The following EPHX4 variants were observed in gnomAD, a reference collection of about 807,000 sequenced individuals.
EPHX4 encodes epoxide hydrolase 4.
A neutral mutation model predicts 44.9 loss-of-function variants in EPHX4; 31 were observed. That is an observed-to-expected ratio of 0.69 (90% CI 0.52 to 0.93). EPHX4 has a LOEUF of 0.93. EPHX4 is among the 40% of genes least tolerant of loss of function. The pLI is 0.00. For synonymous variants in EPHX4, 151 were observed against 159.7 expected, an observed-to-expected ratio of 0.95 and a Z score of 0.41; for missense variants, 373 against 438.1, an observed-to-expected ratio of 0.85 and a Z score of 1.33.
At position 92,032,591 on chromosome 1, in the gene EPHX4, G is replaced by T; in HGVS notation, c.317+1G>T. 6.2e-7 allele frequency: 1 copy of T among 1,613,008 alleles called. No homozygotes were observed. The highest frequency in any genetic ancestry group is 8.5e-7 in the Non-Finnish European group (1 of 1,179,068). ...TGCTTCATGGATTTCCAGAATTCTG[G>T]TAAGCTTACCAACTAACATTTATTG... On this transcript the variant is annotated splice_donor_variant, in intron 2 of 6. Coordinates refer to ENST00000370383, the MANE Select transcript of EPHX4 (RefSeq NM_173567.5). LOFTEE classifies it high-confidence loss of function.
At position 92,063,178 on chromosome 1, in the gene EPHX4, G is replaced by A. The variant is rs147779326; in HGVS notation, c.981G>A (p.Arg327=). 1.9e-4 allele frequency: 310 copies of A among 1,614,038 alleles called. 4 individuals are homozygous for A. The South Asian group carries it at 2.3e-3, about 12-fold the overall frequency. Residue 327 remains arginine, a synonymous_variant, in exon 7 of 7, where the codon AGG becomes AGA. Transcript: ENST00000370383. ...VTKIYVKNYF[R]LTILSEASHW... ...AGATTTATGTTAAAAACTATTTCAG[G>A]CTAACTATTTTGTCAGAAGCCAGTC...
intron 2 of EPHX4, among the ~76,000 whole-genome samples, chr1:92,035,050 C>T (rs1212633931): frequency 3.9e-5 from 6 of 152,124 alleles, no homozygotes; most frequent in Non-Finnish European, 4.4e-5. Flanking sequence ...TGGAGGATGG[C>T]AAAGACACCT....
chr1:92,043,799 C>T (rs1296565302), intron 3 of EPHX4: 1 of 152,210 alleles, frequency 6.6e-6, no homozygotes, highest in Non-Finnish European at 1.5e-5. Context: ...GGGCTGGAGC[C>T]CAAGCTAAAA....
At chr1:92,045,802 G>A (rs1688573967) in intron 4 of EPHX4, 142 bp downstream of exon 4, 5 of 863,372 alleles carry the variant, frequency 5.8e-6, no homozygotes, top group Non-Finnish European at 8.9e-6. Context: ...ACATGACAGT[G>A]TCAGATACCT....
At chr1:92,044,817 CA>C (rs977373585) in intron 3 of EPHX4, among the ~76,000 whole-genome samples, 2 of 150,396 alleles carry the variant, frequency 1.3e-5, no homozygotes, top group Admixed American at 6.6e-5. Flanking sequence ...TCTGAGCATT[CA>C]AAAAAAAACC....
Position 92,030,490 on chromosome 1 carries a change from G to GTGTGTGTGTGTGTGTGTGT in EPHX4, c.231+180_231+181insTGTGTGTGTGTGTGTGTGT, listed in dbSNP as rs1383490491. Among the ~76,000 whole-genome samples the GTGTGTGTGTGTGTGTGTGT allele has an allele frequency of 3.0e-3, 387 of 127,726 alleles. 12 individuals are homozygous for GTGTGTGTGTGTGTGTGTGT. Among genetic ancestry groups the GTGTGTGTGTGTGTGTGTGT allele is most frequent in the African/African-American group, 6.8e-3 (223 of 32,818 alleles). The allele number at this position is 127,726 out of a possible 152,430, so 83.8% of individuals were successfully genotyped here. A position where few individuals can be genotyped will look rare whatever the true frequency, so the allele number is the denominator to read the frequency against. ...TGTGTGTGTGTGTGTGTGTGTGAGA[G>GTGTGTGTGTGTGTGTGTGT]AGAGAGAGAGAGAGAGAGATACAGA... On this transcript the variant is annotated intron_variant, in intron 1 of 6. Coordinates refer to ENST00000370383, the MANE Select transcript of EPHX4 (RefSeq NM_173567.5).
chr1:92,033,997 C>CTTTTT lies in EPHX4; in HGVS notation c.317+1424_317+1428dup, dbSNP rs36075635. On this transcript the variant is annotated intron_variant, in intron 2 of 6. Coordinates refer to ENST00000370383, the MANE Select transcript of EPHX4 (RefSeq NM_173567.5). ...CAGATGAAAGCAACACATGTTTAAA[C>CTTTTT]TTTTTTTTTTTTTTTTTTTTTAATG... Among the ~76,000 whole-genome samples the CTTTTT allele has an allele frequency of 5.0e-4, 55 of 109,124 alleles. 1 individual carries two copies. Among genetic ancestry groups the CTTTTT allele is most frequent in the Non-Finnish European group, 8.0e-4 (45 of 56,582 alleles). 71.6% of individuals were successfully genotyped at this position (109,124 alleles called of 152,430 possible). A position where few individuals can be genotyped will look rare whatever the true frequency, so the allele number is the denominator to read the frequency against.
intron 2 of EPHX4, among the ~76,000 whole-genome samples, chr1:92,034,879 A>G (rs1308091471): frequency 1.3e-5 from 2 of 152,040 alleles, no homozygotes; most frequent in Non-Finnish European, 2.9e-5. Context: ...CCTGACCTCA[A>G]GTGATCTGCC....
At chr1:92,062,788 C>G (rs1647526978) in intron 6 of EPHX4, among the ~76,000 whole-genome samples, 1 of 151,992 alleles carries the variant, frequency 6.6e-6, no homozygotes, top group South Asian at 2.1e-4. Flanking sequence ...TTTTCATTAT[C>G]ACTTTCCTAA....
chr1:92,033,138 A>T (rs1279818316), intron 2 of EPHX4, among the ~76,000 whole-genome samples: 1 of 151,178 alleles, frequency 6.6e-6, no homozygotes, highest in African/African-American at 2.4e-5. Flanking sequence ...TGGTCTTGAA[A>T]GCCTGAGATC....
chr1:92,031,887 G>A (rs549335436), intron 1 of EPHX4, among the ~76,000 whole-genome samples: 4 of 151,956 alleles, frequency 2.6e-5, no homozygotes, highest in Admixed American at 2.0e-4. Flanking sequence ...TATTAGAAAC[G>A]CACACTGACA....
In EPHX4 at chr1:92,032,563, T is replaced by C. The variant is rs139290994; in HGVS notation, c.290T>C (p.Leu97Pro). ...GGAGAAAGAGGCAAACCACTTATGC[T>C]GCTGCTTCATGGATTTCCAGAATTC... ...AAGERGKPLM[L>P]LLHGFPEFWY... Residue 97 changes from leucine (L) to proline (P), a missense_variant, in exon 2 of 7, where the codon CTG becomes CCG. Transcript: ENST00000370383. 557 of 1,614,138 alleles carry C rather than the reference T, an allele frequency of 3.5e-4. 5 individuals carry two copies. Among genetic ancestry groups the C allele is most frequent in the Non-Finnish European group, 1.5e-5 (18 of 1,179,980 alleles).
Position 92,063,077 on chromosome 1 carries a change from A to G in EPHX4, c.880A>G (p.Met294Val). ...TAGCTGCCTGCCTCTCAAACATCAC[A>G]TGGTGACCACTCCAACACTACTACT... The part of the protein sequence containing the change: ...IFSCLPLKHH[M>V]VTTPTLLLWG... Residue 294 changes from methionine (M) to valine (V), a missense_variant, in exon 7 of 7, where the codon ATG (methionine) becomes GTG (valine). By Grantham distance (21) the Met-to-Val change is conservative. Coordinates refer to ENST00000370383, the MANE Select transcript of EPHX4 (RefSeq NM_173567.5). The G allele has an allele frequency of 6.2e-7, 1 of 1,612,644 alleles. No homozygotes were observed.
At chr1:92,058,987 T>C (rs1043110817) in intron 6 of EPHX4, among the ~76,000 whole-genome samples, 1 of 152,168 alleles carries the variant, frequency 6.6e-6, no homozygotes, top group African/African-American at 2.4e-5. Context: ...CATTAAACTT[T>C]ATATTCTCTG....
At chr1:92,062,584 CAAAAAAAAAAAAAAA>C (rs1167530513) in intron 6 of EPHX4, among the ~76,000 whole-genome samples, 1 of 20,090 alleles carries the variant, frequency 5.0e-5, no homozygotes, top group Non-Finnish European at 1.3e-4. Context: ...AACTCCATCT[CAAAAAAAAAAAAAAA>C]AAAAAAAAAA....
intron 3 of EPHX4, 27 bp from the exon 4 acceptor site, chr1:92,045,505 A>T: frequency 6.2e-7 from 1 of 1,611,998 alleles, no homozygotes; most frequent in Non-Finnish European, 8.5e-7. Context: ...CTTTTTAATG[A>T]TGTCAACATT....
At chr1:92,048,368 A>T (rs1688612240) in intron 4 of EPHX4, among the ~76,000 whole-genome samples, 1 of 152,220 alleles carries the variant, frequency 6.6e-6, no homozygotes, top group African/African-American at 2.4e-5. Flanking sequence ...GTGGTGCTAT[A>T]TGGACAAACT....
At chr1:92,053,882 G>A (rs1359586729) in intron 6 of EPHX4, among the ~76,000 whole-genome samples, 1 of 152,076 alleles carries the variant, frequency 6.6e-6, no homozygotes, top group African/African-American at 2.4e-5. Context: ...TGGGTAGTAG[G>A]GTCTGGAACT....
At chr1:92,056,227 G>A (rs371585714) in intron 6 of EPHX4, among the ~76,000 whole-genome samples, 5 of 152,022 alleles carry the variant, frequency 3.3e-5, no homozygotes, top group African/African-American at 7.2e-5. Context: ...AAACAGGCAC[G>A]TTAAGACTAC....
Sources: gnomAD v4.1 joint callset for allele counts (sites outside exome capture counted in the v4.1 genomes callset) on GRCh38, gnomAD v4.1.1 for gene constraint, MANE v1.5 for transcripts, NCBI Gene and HGNC (gene_info 2026-07-23, HGNC 2026-07-21) for gene names.